SCN1A: variants seen among roughly 807,000 people sequenced by gnomAD.
The protein encoded by SCN1A is sodium channel protein type 1 subunit alpha.
A neutral mutation model predicts 193.7 loss-of-function variants in SCN1A; 13 were observed. The ratio of observed to expected loss-of-function variants is 0.07; its 90% CI spans 0.04 to 0.11. The LOEUF (loss-of-function observed/expected upper bound fraction) is 0.11. SCN1A is among the 10% of genes least tolerant of loss of function. The probability of loss-of-function intolerance (pLI) is 1.00; values close to 1 mark genes in which losing one functional copy is unlikely to be tolerated. For missense variants in SCN1A, 1,432 were observed against 2,451.1 expected, an observed-to-expected ratio of 0.58 and a Z score of 8.78; for synonymous variants, 781 against 843.6, an observed-to-expected ratio of 0.93 and a Z score of 1.29.
At chr2:166,016,744 C>G (rs1693359860) in intron 19 of SCN1A, 1 of 151,860 alleles carries the variant, frequency 6.6e-6, no homozygotes, top group African/African-American at 2.4e-5. Flanking sequence ...ACTGAAATAT[C>G]TATTGTCCTT....
intron 23 of SCN1A, 31 bp downstream of exon 23, chr2:166,009,688 A>G (rs1158302081): frequency 4.4e-6 from 7 of 1,592,890 alleles, no homozygotes; most frequent in Non-Finnish European, 6.0e-6. Context: ...TTGGCTATAT[A>G]CAATACTTCA....
At chr2:166,143,027 T>A (rs1167240215) in intron 1 of SCN1A, among the ~76,000 whole-genome samples, 1 of 152,158 alleles carries the variant, frequency 6.6e-6, no homozygotes, top group Non-Finnish European at 1.5e-5. Flanking sequence ...TACCCAATCT[T>A]GGGTATGTCT....
chr2:166,066,913 C>T (rs974784549), intron 4 of SCN1A, among the ~76,000 whole-genome samples: 1 of 152,028 alleles, frequency 6.6e-6, no homozygotes, highest in African/African-American at 2.4e-5. Context: ...CTGAAAGATC[C>T]CCTTTATCTA....
At position 166,036,438 on chromosome 2, in the gene SCN1A, T is replaced by A. The variant is rs780391343; in HGVS notation, c.3039A>T (p.Gln1013His). ...CTTTGTGCATCCTATCCACAGCAAT[T>A]TGGAGATTATTCATTTCATTATCAT... is the stretch of plus-strand genomic sequence containing the variant. The part of the protein sequence containing the change: ...TDDDNEMNNL[Q>H]IAVDRMHKGV... The change falls in exon 19 of 29, where the codon CAA becomes CAT. Residue 1013 changes from glutamine to histidine, a missense_variant. Coordinates refer to ENST00000674923, the MANE Select transcript of SCN1A (RefSeq NM_001165963.4). 1.2e-6 allele frequency: 2 copies of A among 1,607,340 alleles called. No individual in the cohort carries two copies. The highest frequency in any genetic ancestry group is 3.4e-5 in the Admixed American group (2 of 58,570).
At chr2:166,063,420 G>C (rs1205371270) in intron 4 of SCN1A, among the ~76,000 whole-genome samples, 3 of 151,852 alleles carry the variant, frequency 2.0e-5, no homozygotes, top group Non-Finnish European at 4.4e-5. Flanking sequence ...GTATGAGCAG[G>C]GACCTAGTTT....
rs753692357 is a variant in SCN1A at position 166,046,991 on chromosome 2, A to T, written c.1171-15T>A. 6.2e-7 allele frequency: 1 copy of T among 1,609,300 alleles called. No individual in the cohort carries two copies. The highest frequency in any genetic ancestry group is 2.2e-5 in the East Asian group (1 of 44,860). On this transcript the variant is annotated splice_polypyrimidine_tract_variant and intron_variant, in intron 11 of 28. Transcript: ENST00000674923. ...GCACGTAATGTCTGCAAACAAAAAT[A>T]TCAGAATTATTTCTCAATATTATTT...
chr2:166,084,258 G>A (rs893647417), intron 2 of SCN1A, among the ~76,000 whole-genome samples: 6 of 121,902 alleles, frequency 4.9e-5, no homozygotes, highest in Non-Finnish European at 8.1e-5. Context: ...TCTCACTTCC[G>A]TTGCTGTCCT....
chr2:166,050,856 A>G (rs1239910553), intron 9 of SCN1A, among the ~76,000 whole-genome samples: 5 of 151,250 alleles, frequency 3.3e-5, no homozygotes, highest in South Asian at 2.1e-4. Context: ...CTTTTTAAAT[A>G]TAAGAATAAG....
chr2:166,042,227 G>C, intron 15 of SCN1A, 65 bp downstream of exon 15: 2 of 1,513,934 alleles, frequency 1.3e-6, no homozygotes, highest in Non-Finnish European at 1.8e-6. Context: ...AAATATATTT[G>C]TTTGAAATGA....
intron 17 of SCN1A, among the ~76,000 whole-genome samples, chr2:166,039,054 T>A (rs1442475547): frequency 1.3e-5 from 2 of 152,180 alleles, no homozygotes; most frequent in Non-Finnish European, 2.9e-5. Flanking sequence ...ATCTTACATC[T>A]GATTTTCATC....
chr2:166,140,784 TA>T (rs1213333509), intron 1 of SCN1A, among the ~76,000 whole-genome samples: 1 of 152,226 alleles, frequency 6.6e-6, no homozygotes, highest in African/African-American at 2.4e-5. Flanking sequence ...GCTCATTTTC[TA>T]AAAACAAGTG....
chr2:166,085,909 AG>A (rs1388655020), intron 2 of SCN1A, among the ~76,000 whole-genome samples: 1 of 152,214 alleles, frequency 6.6e-6, no homozygotes, highest in African/African-American at 2.4e-5. Flanking sequence ...GAAAGCTGAA[AG>A]AACTTACAGA....
At chr2:166,114,295 G>C (rs145122679) in intron 2 of SCN1A, among the ~76,000 whole-genome samples, 115 of 152,230 alleles carry the variant, frequency 7.6e-4, no homozygotes, top group Middle Eastern at 6.8e-3. Context: ...GAAAACATCT[G>C]AGAGTATTAA....
intron 1 of SCN1A, among the ~76,000 whole-genome samples, chr2:166,142,104 G>A (rs1692111486): frequency 6.6e-6 from 1 of 152,168 alleles, no homozygotes; most frequent in South Asian, 2.1e-4. Context: ...ATACATGTAG[G>A]ATATATGTAA....
In SCN1A at chr2:166,043,732, A is replaced by C. The variant is rs1379958414; in HGVS notation, c.1980T>G (p.Pro660=). The change falls in exon 14 of 29, where the codon CCT becomes CCG. Residue 660 remains proline (P), a synonymous_variant. Transcript: ENST00000674923. ...GCAGAAGCTGTCCAACAGGCGATGT[A>C]GGAACTGAAGGTCCACCAACCAAGG... ...VVSLVGGPSV[P]TSPVGQLLPE... 5.6e-6 allele frequency: 9 copies of C among 1,614,040 alleles called. No homozygotes were observed. Among genetic ancestry groups the C allele is most frequent in the Non-Finnish European group, 7.6e-6 (9 of 1,180,006 alleles).
At chr2:165,995,372 GA>G (rs1266196369) in intron 27 of SCN1A, among the ~76,000 whole-genome samples, 1 of 151,716 alleles carries the variant, frequency 6.6e-6, no homozygotes, top group East Asian at 1.9e-4. Context: ...TATAGTGTGG[GA>G]TAATAGCTGT....
intron 24 of SCN1A, among the ~76,000 whole-genome samples, chr2:166,001,031 GT>G (rs1690756513): frequency 6.6e-6 from 1 of 151,618 alleles, no homozygotes; most frequent in African/African-American, 2.4e-5. Flanking sequence ...GGAGGAGGTG[GT>G]TGCTTTAGTG....
chr2:166,028,782 T>A (rs1205680781), intron 19 of SCN1A, among the ~76,000 whole-genome samples: 4 of 152,140 alleles, frequency 2.6e-5, no homozygotes, highest in African/African-American at 9.7e-5. Flanking sequence ...AACTAGGACT[T>A]GAAAAATAAA....
chr2:166,058,948 G>A (rs1461741325), intron 4 of SCN1A, among the ~76,000 whole-genome samples: 1 of 152,020 alleles, frequency 6.6e-6, no homozygotes, highest in Non-Finnish European at 1.5e-5. Flanking sequence ...GCCAAGAGAA[G>A]TCATTTATTT....
Sources: allele counts gnomAD v4.1 joint callset (sites outside exome capture counted in the v4.1 genomes callset), GRCh38; gene constraint gnomAD v4.1.1; transcripts MANE v1.5; gene names NCBI Gene and HGNC (gene_info 2026-07-23, HGNC 2026-07-21).